Variants in LRCH1 observed in about 807,000 individuals in gnomAD.
The protein encoded by LRCH1 is leucine-rich repeat and calponin homology domain-containing protein 1.
In LRCH1, 23 loss-of-function variants were observed where a neutral mutation model predicts 94.9. That is an observed-to-expected ratio of 0.24 (90% CI 0.17 to 0.34). The LOEUF (loss-of-function observed/expected upper bound fraction) is 0.34, where lower values mean the gene tolerates loss of function less well. Among genes scored for constraint, LRCH1 ranks in the 10% least tolerant of loss-of-function variants. LRCH1 has a pLI of 1.00. For synonymous variants in LRCH1, 364 were observed against 354.9 expected (o/e 1.03, Z -0.29); for missense variants, 790 against 945.9 (o/e 0.84, Z 2.16).
At chr13:46,649,228 TG>T (rs1212384061) in intron 1 of LRCH1, among the ~76,000 whole-genome samples, 2 of 152,360 alleles carry the variant, frequency 1.3e-5, no homozygotes, top group African/African-American at 4.8e-5. Flanking sequence ...CTTAAGTATA[TG>T]TTACATATTA....
At chr13:46,728,359 G>T (rs976234984) in intron 17 of LRCH1, among the ~76,000 whole-genome samples, 3 of 152,042 alleles carry the variant, frequency 2.0e-5, no homozygotes, top group African/African-American at 7.3e-5. Context: ...GGGATTACAG[G>T]CACCTGCCAC....
chr13:46,746,953 C>T (rs1873935141), downstream of LRCH1, among the ~76,000 whole-genome samples: 1 of 152,178 alleles, frequency 6.6e-6, no homozygotes, highest in Non-Finnish European at 1.5e-5. Flanking sequence ...CCACCAGAGT[C>T]TTCATTCCAA....
At chr13:46,700,942 C>G (rs983766485) in intron 10 of LRCH1, among the ~76,000 whole-genome samples, 179 bp from the exon 11 acceptor site, 1 of 152,200 alleles carries the variant, frequency 6.6e-6, no homozygotes, top group African/African-American at 2.4e-5. Flanking sequence ...TCGGGCTCTT[C>G]CCACCGTGCT....
intron 13 of LRCH1, among the ~76,000 whole-genome samples, chr13:46,710,978 CTG>C (rs1475457446): frequency 1.3e-5 from 2 of 152,258 alleles, no homozygotes; most frequent in South Asian, 4.1e-4. Flanking sequence ...TTCACTGTCT[CTG>C]TGGACCATCT....
At chr13:46,717,637 C>T (rs1872389802) in intron 16 of LRCH1, 1 of 152,134 alleles carries the variant, frequency 6.6e-6, no homozygotes, top group African/African-American at 2.4e-5. Context: ...TAATGTAATG[C>T]TATCTTTGTA....
chr13:46,669,290 G>T, intron 3 of LRCH1, 134 bp downstream of exon 3: 1 of 952,732 alleles, frequency 1.0e-6, no homozygotes, highest in South Asian at 2.0e-5. Context: ...ATATGATAAA[G>T]ACATTAAGTG....
intron 2 of LRCH1, among the ~76,000 whole-genome samples, chr13:46,660,315 A>G (rs2051431552): frequency 6.6e-6 from 1 of 152,000 alleles, no homozygotes; most frequent in Admixed American, 6.6e-5. Flanking sequence ...CACCTGGCCT[A>G]GGAGTCAATA....
chr13:46,690,413 A>G (rs992723570), intron 7 of LRCH1, among the ~76,000 whole-genome samples: 3 of 152,080 alleles, frequency 2.0e-5, no homozygotes, highest in Non-Finnish European at 2.9e-5. Flanking sequence ...TTCAGAAATT[A>G]CTCACCCTAA....
chr13:46,736,126 G>GTGTT (rs5803369), intron 19 of LRCH1, among the ~76,000 whole-genome samples: 90 of 150,014 alleles, frequency 6.0e-4, no homozygotes, highest in Non-Finnish European at 1.1e-3. Context: ...CTCTGTGTGT[G>GTGTT]TGTGTGTGTG....
At chr13:46,588,586 C>T (rs1033311563) in intron 1 of LRCH1, among the ~76,000 whole-genome samples, 2 of 139,322 alleles carry the variant, frequency 1.4e-5, no homozygotes, top group Admixed American at 1.6e-4. Context: ...TTTCGTTTCT[C>T]TCTCTCTGTC....
At chr13:46,558,473 C>T (rs183844323) in intron 1 of LRCH1, among the ~76,000 whole-genome samples, 1,507 of 150,044 alleles carry the variant, frequency 0.01, 13 homozygotes, top group Non-Finnish European at 0.016. Context: ...TGGTGACTCA[C>T]ACCTGTAATC....
chr13:46,668,571 C>G (rs532855233), intron 2 of LRCH1, among the ~76,000 whole-genome samples: 96 of 152,232 alleles, frequency 6.3e-4, no homozygotes, highest in Non-Finnish European at 1.1e-3. Context: ...TGAAATGATG[C>G]CTGTGTGGTG....
intron 1 of LRCH1, among the ~76,000 whole-genome samples, chr13:46,631,675 C>T (rs12427491): frequency 0.49 from 74,185 of 151,768 alleles, 18,605 homozygotes; most frequent in Middle Eastern, 0.58. Context: ...TTGGATCTAG[C>T]TGTTGATTCT....
chr13:46,640,472 G>C (rs1044178057), intron 1 of LRCH1, among the ~76,000 whole-genome samples: 2 of 152,226 alleles, frequency 1.3e-5, no homozygotes, highest in Non-Finnish European at 2.9e-5. Context: ...ATGAGGACCT[G>C]GAACCAGCCT....
chr13:46,583,224 A>G (rs1433672199), intron 1 of LRCH1, among the ~76,000 whole-genome samples: 1 of 152,210 alleles, frequency 6.6e-6, no homozygotes, highest in Non-Finnish European at 1.5e-5. Flanking sequence ...TTCAGGTGAA[A>G]TTTGCTATAA....
At chr13:46,640,361 T>A (rs1398348660) in intron 1 of LRCH1, among the ~76,000 whole-genome samples, 1 of 152,200 alleles carries the variant, frequency 6.6e-6, no homozygotes, top group Non-Finnish European at 1.5e-5. Context: ...AATGTCCTCA[T>A]GTTACAGATG....
chr13:46,654,263 C>T (rs543570067), intron 2 of LRCH1, among the ~76,000 whole-genome samples: 1 of 152,320 alleles, frequency 6.6e-6, no homozygotes, highest in South Asian at 2.1e-4. Flanking sequence ...AGGAGGGACT[C>T]AGAATATCAT....
chr13:46,634,376 T>G (rs1566190006), intron 1 of LRCH1, among the ~76,000 whole-genome samples: 1 of 152,230 alleles, frequency 6.6e-6, no homozygotes, highest in Non-Finnish European at 1.5e-5. Context: ...GCCTTCCTCA[T>G]TTCTCACCTG....
intron 13 of LRCH1, among the ~76,000 whole-genome samples, chr13:46,709,697 T>C (rs962581050): frequency 8.5e-5 from 13 of 152,222 alleles, no homozygotes; most frequent in South Asian, 2.1e-4. Context: ...TACAATGTTT[T>C]GTGTTATTTT....
Sources: allele counts gnomAD v4.1 joint callset (sites outside exome capture counted in the v4.1 genomes callset), GRCh38; gene constraint gnomAD v4.1.1; transcripts MANE v1.5; gene names NCBI Gene and HGNC (gene_info 2026-07-23, HGNC 2026-07-21).